Variants in ADCY1 observed in about 807,000 individuals in gnomAD.
The protein encoded by ADCY1 is adenylate cyclase 1, also known as adenylate cyclase type 1.
Under a neutral mutation model 105.4 loss-of-function variants are expected in ADCY1, and 28 were observed. The ratio of observed to expected loss-of-function variants is 0.27; its 90% CI spans 0.20 to 0.36. The LOEUF is 0.36. Among genes scored for constraint, ADCY1 ranks in the 10% least tolerant of loss-of-function variants. The probability of loss-of-function intolerance (pLI) is 1.00; values close to 1 mark genes in which losing one functional copy is unlikely to be tolerated. For synonymous variants in ADCY1, 655 were observed against 623.8 expected, an observed-to-expected ratio of 1.05 and a Z score of -0.75; for missense variants, 977 against 1,434.2, an observed-to-expected ratio of 0.68 and a Z score of 5.15.
chr7:45,661,164 C>T (rs572129205), intron 7 of ADCY1, among the ~76,000 whole-genome samples: 1 of 152,090 alleles, frequency 6.6e-6, no homozygotes, highest in African/African-American at 2.4e-5. Context: ...GTCACATTGA[C>T]ATAGACAATA....
chr7:45,704,230 C>CG lies in ADCY1; in HGVS notation c.2719-288_2719-287insG, dbSNP rs1281999481. The stretch of plus-strand genomic sequence containing the variant: ...GGTGGGTGCCTCCAGGCCCCCCCCA[C>CG]CCCGACAGCCAGCCAGGCACTGTGG... On this transcript the variant is annotated intron_variant, in intron 16 of 19. Transcript: ENST00000297323. 1.1e-3 allele frequency among the ~76,000 whole-genome samples: 170 copies of CG among 152,236 alleles called. 2 individuals carry two copies. Among genetic ancestry groups the CG allele is most frequent in the African/African-American group, 4.0e-3 (165 of 41,536 alleles).
chr7:45,622,533 A>G (rs1048485709), intron 3 of ADCY1, 99 bp from the exon 4 acceptor site: 2 of 848,816 alleles, frequency 2.4e-6, no homozygotes, highest in African/African-American at 3.3e-5. Context: ...GGGGTGATTG[A>G]TTCTACAGTG....
At chr7:45,629,456 G>A (rs1794165375) in intron 4 of ADCY1, among the ~76,000 whole-genome samples, 3 of 151,860 alleles carry the variant, frequency 2.0e-5, no homozygotes, top group Admixed American at 2.0e-4. Context: ...CAGTTCTCTT[G>A]GGTAAATACC....
At chr7:45,671,092 G>A (rs1054332980) in intron 8 of ADCY1, among the ~76,000 whole-genome samples, 3 of 152,230 alleles carry the variant, frequency 2.0e-5, no homozygotes, top group Admixed American at 6.5e-5. Context: ...AGGACTCTGA[G>A]CATGGTTTCC....
At position 45,686,553 on chromosome 7, in the gene ADCY1, T is replaced by A. The variant is rs765957636; in HGVS notation, c.2334T>A (p.Gly778=). The change falls in exon 14 of 20, where the codon GGT becomes GGA. Residue 778 remains glycine (G), a synonymous_variant. Transcript: ENST00000297323. The surrounding 1 kb of genome is among the most constrained non-coding windows in gnomAD (Gnocchi z 4.3). The part of the protein sequence containing the change: ...ELSGYTRTGG[G]AVSGRSYEPI... ...CTTCCTCATCTTCCCCCAGGGGTGG[T>A]GCCGTCTCCGGGCGCAGCTACGAGC... The A allele has an allele frequency of 3.7e-6, 6 of 1,610,504 alleles. No homozygotes were observed. In the Admixed American group the frequency reaches 1.0e-4, roughly 27 times the overall value.
At chr7:45,652,821 C>T (rs1794846230) in intron 5 of ADCY1, among the ~76,000 whole-genome samples, 1 of 152,122 alleles carries the variant, frequency 6.6e-6, no homozygotes, top group African/African-American at 2.4e-5. Flanking sequence ...GATCCCAGGG[C>T]CCCTACCTTC....
In ADCY1 at chr7:45,685,959, C is replaced by A; in HGVS notation, c.2074-3C>A. On this transcript the variant is annotated splice_polypyrimidine_tract_variant and splice_region_variant and intron_variant, in intron 12 of 19. Transcript: ENST00000297323. Reference sequence around the variant, plus strand: ...TAAGCCCCTGTGACCCCTCCCTTCCCAGGTGGGCTGCCTGCCTTGGGCCTG... The same window carrying A: ...TAAGCCCCTGTGACCCCTCCCTTCCAAGGTGGGCTGCCTGCCTTGGGCCTG... 1 of 1,611,140 alleles carries A rather than the reference C, an allele frequency of 6.2e-7. No individual in the cohort carries two copies. The highest frequency in any genetic ancestry group is 8.5e-7 in the Non-Finnish European group (1 of 1,178,228).
intron 14 of ADCY1, among the ~76,000 whole-genome samples, chr7:45,693,501 A>T (rs1784821526): frequency 6.9e-6 from 1 of 145,830 alleles, no homozygotes; most frequent in African/African-American, 2.6e-5. Context: ...GATTATTGCC[A>T]CAATTTCAGA....
intron 14 of ADCY1, among the ~76,000 whole-genome samples, chr7:45,698,162 CTT>C (rs763321394): frequency 1.8e-3 from 266 of 148,358 alleles, no homozygotes; most frequent in South Asian, 8.1e-3. Context: ...CACATACTCT[CTT>C]ACACACACAC....
chr7:45,711,974 T>TATTAAATATATATTTTA (rs1562736087), intron 19 of ADCY1, among the ~76,000 whole-genome samples: 8 of 52,332 alleles, frequency 1.5e-4, no homozygotes, highest in African/African-American at 2.3e-4. Flanking sequence ...TAAATACATA[T>TATTAAATATATATTTTA]TATATTAAAT....
chr7:45,655,798 C>T (rs909089949), intron 5 of ADCY1, among the ~76,000 whole-genome samples: 10 of 151,968 alleles, frequency 6.6e-5, no homozygotes, highest in Admixed American at 2.0e-4. Flanking sequence ...CAGAAGTCTC[C>T]GTGCCATTTA....
At chr7:45,696,840 G>T (rs1390783079) in intron 14 of ADCY1, among the ~76,000 whole-genome samples, 1 of 152,186 alleles carries the variant, frequency 6.6e-6, no homozygotes, top group Non-Finnish European at 1.5e-5. Context: ...TGCACAGGCT[G>T]CTGCTGCTAA....
intron 14 of ADCY1, among the ~76,000 whole-genome samples, chr7:45,690,298 A>G (rs904688835): frequency 6.6e-6 from 1 of 152,130 alleles, no homozygotes; most frequent in Non-Finnish European, 1.5e-5. Flanking sequence ...AGGAGCCCTT[A>G]TGATGCTTGG....
At chr7:45,651,308 C>T (rs1322314112) in intron 5 of ADCY1, among the ~76,000 whole-genome samples, 1 of 152,130 alleles carries the variant, frequency 6.6e-6, no homozygotes, top group East Asian at 1.9e-4. Context: ...TCTGCACGGC[C>T]GGCCTTCTGT....
At chr7:45,608,699 A>G (rs1793447997) in intron 2 of ADCY1, among the ~76,000 whole-genome samples, 1 of 152,130 alleles carries the variant, frequency 6.6e-6, no homozygotes, top group Admixed American at 6.5e-5. Context: ...CACCTGTCAC[A>G]TTTTTGTGGT....
At chr7:45,654,598 G>A (rs1584306655) in intron 5 of ADCY1, among the ~76,000 whole-genome samples, 1 of 152,314 alleles carries the variant, frequency 6.6e-6, no homozygotes, top group Non-Finnish European at 1.5e-5. Flanking sequence ...TTTAACAAGG[G>A]GGCTAGTGTG....
chr7:45,706,087 C>T (rs1265540489), intron 17 of ADCY1, among the ~76,000 whole-genome samples: 2 of 152,108 alleles, frequency 1.3e-5, no homozygotes, highest in East Asian at 1.9e-4. Flanking sequence ...GTTCCTGCAT[C>T]GGAGGAGTCA....
chr7:45,579,478 A>G (rs1259672100), intron 1 of ADCY1, among the ~76,000 whole-genome samples: 1 of 137,490 alleles, frequency 7.3e-6, no homozygotes, highest in Admixed American at 7.1e-5. Context: ...CTACTCCCCC[A>G]CGGACCCCTC....
At position 45,607,303 on chromosome 7, in the gene ADCY1, C is replaced by G. The variant is rs921797298; in HGVS notation, c.790-3076C>G. Among the ~76,000 whole-genome samples, 4 of 152,150 alleles carry G rather than the reference C, an allele frequency of 2.6e-5. No homozygotes were observed. The East Asian group carries it at 7.7e-4, about 29-fold the overall frequency. On this transcript the variant is annotated intron_variant, in intron 2 of 19. Transcript: ENST00000297323. ...TGATCCATGAAACCCTCAGCTGTCT[C>G]CATCTAGCTCGCCACCTGTGTCCCT...
Sources: allele counts gnomAD v4.1 joint callset (sites outside exome capture counted in the v4.1 genomes callset), GRCh38; gene constraint gnomAD v4.1.1; non-coding constraint Gnocchi (gnomAD v3.1); transcripts MANE v1.5; gene names NCBI Gene and HGNC (gene_info 2026-07-23, HGNC 2026-07-21).